The following NEURL1B variants were observed in gnomAD, a reference collection of about 807,000 sequenced individuals.
NEURL1B encodes the protein E3 ubiquitin-protein ligase NEURL1B.
NEURL1B carries 13 observed loss-of-function variants against 37.4 expected under a neutral mutation model. The ratio of observed to expected loss-of-function variants is 0.35; its 90% CI spans 0.23 to 0.55. The LOEUF (loss-of-function observed/expected upper bound fraction) is 0.55, where lower values mean the gene tolerates loss of function less well. Among genes scored for constraint, NEURL1B ranks in the 20% least tolerant of loss-of-function variants. NEURL1B has a pLI of 0.89. For missense variants in NEURL1B, 790 were observed against 879.2 expected (o/e 0.90, Z 1.28); for synonymous variants, 432 against 426.6 (o/e 1.01, Z -0.16).
intron 1 of NEURL1B, chr5:172,656,815 A>G (rs1484342368): frequency 1.6e-6 from 1 of 644,862 alleles, no homozygotes; most frequent in African/African-American, 1.8e-5. Flanking sequence ...TAAAACTCCT[A>G]ACAACCGCCA....
chr5:172,643,294 T>C (rs1272461825), intron 1 of NEURL1B, among the ~76,000 whole-genome samples: 7 of 152,214 alleles, frequency 4.6e-5, no homozygotes, highest in African/African-American at 1.7e-4. Context: ...GCCAAGAATA[T>C]GAAGGGCCGT....
chr5:172,667,731 CTG>C (rs917300002), intron 1 of NEURL1B, among the ~76,000 whole-genome samples: 4 of 152,144 alleles, frequency 2.6e-5, no homozygotes, highest in African/African-American at 9.7e-5. Context: ...CAGCAGTCCA[CTG>C]TGCACACAGT....
chr5:172,668,311 T>A (rs1303930682), intron 1 of NEURL1B, among the ~76,000 whole-genome samples: 1 of 152,220 alleles, frequency 6.6e-6, no homozygotes, highest in Non-Finnish European at 1.5e-5. Context: ...AAACCCCTTA[T>A]GTTCCTTTCT....
chr5:172,687,826 T>G lies in NEURL1B; in HGVS notation c.*901T>G, dbSNP rs1185577625. 1 of 152,212 alleles carries G rather than the reference T, an allele frequency of 6.6e-6. No homozygotes were observed. The highest frequency in any genetic ancestry group is 6.5e-5 in the Admixed American group (1 of 15,282). The allele number at this position is 152,212 out of a possible 1,614,324, so 9.4% of individuals were successfully genotyped here. ...GAATCCTAGAGGCAGGTGACCCACC[T>G]GGAGCTGGAAAGCCCACTCCACGAT... On this transcript the variant is annotated 3_prime_UTR_variant, in exon 5 of 5. Coordinates refer to ENST00000369800, the MANE Select transcript of NEURL1B (RefSeq NM_001142651.3).
rs529147757 is a variant in NEURL1B, at chr5:172,675,008, G to A, written c.577+4678G>A. 9.2e-5 allele frequency among the ~76,000 whole-genome samples: 14 copies of A among 152,108 alleles called. No homozygotes were observed. The South Asian group carries it at 2.9e-3, about 32-fold the overall frequency. ...CCTCAGCCTCCCAAGTAGCTGGGAT[G>A]ACAGGCGCCTGCCACCACGCCCGGC... On this transcript the variant is annotated intron_variant, in intron 2 of 4. Coordinates refer to ENST00000369800, the MANE Select transcript of NEURL1B (RefSeq NM_001142651.3). The surrounding 1 kb of genome is among the most constrained non-coding windows in gnomAD (Gnocchi z 4.7).
intron 1 of NEURL1B, among the ~76,000 whole-genome samples, chr5:172,645,674 T>C (rs1757546176): frequency 6.6e-6 from 1 of 152,194 alleles, no homozygotes; most frequent in South Asian, 2.1e-4. Context: ...TCTTGTCCCA[T>C]CTTCCTCCCT....
In NEURL1B at chr5:172,645,437, T is replaced by G. The variant is rs144143279; in HGVS notation, c.31+4000T>G. ...GGGACACATCTGCTGCTCCCTGACTTCCCATCTGAGCCATGGGTGGTGTTG... is the reference window on the plus strand; with the variant it reads ...GGGACACATCTGCTGCTCCCTGACTGCCCATCTGAGCCATGGGTGGTGTTG... On this transcript the variant is annotated intron_variant, in intron 1 of 4. Transcript: ENST00000369800. Among the ~76,000 whole-genome samples the G allele has an allele frequency of 7.9e-5, 12 of 152,280 alleles. No individual in the cohort carries two copies. The East Asian group carries it at 2.1e-3, about 27-fold the overall frequency.
In NEURL1B at chr5:172,641,444, C is replaced by A; in HGVS notation, c.31+7C>A. The A allele has an allele frequency of 7.6e-7, 1 of 1,322,004 alleles. No individual in the cohort carries two copies. The highest frequency in any genetic ancestry group is 1.9e-5 in the South Asian group (1 of 51,314). The allele number at this position is 1,322,004 out of a possible 1,614,324, so 81.9% of individuals were successfully genotyped here. On this transcript the variant is annotated splice_region_variant and intron_variant, in intron 1 of 4. Transcript: ENST00000369800. The surrounding 1 kb of genome is among the most constrained non-coding windows in gnomAD (Gnocchi z 6.4). ...GTGCACCGGACCCTGCCAGGTACGC[C>A]GGGGAGCCCTGCCCGGGAGGCGGGC...
intron 1 of NEURL1B, among the ~76,000 whole-genome samples, chr5:172,646,412 C>G (rs1224058905): frequency 1.3e-5 from 2 of 152,208 alleles, no homozygotes; most frequent in East Asian, 3.8e-4. Flanking sequence ...ACGGGGCTGG[C>G]TGACAGGTGC....
Position 172,686,555 on chromosome 5 carries a change from A to G in NEURL1B, c.1424-126A>G, listed in dbSNP as rs1758500659. 8 of 1,161,244 alleles carry G rather than the reference A, an allele frequency of 6.9e-6. No individual in the cohort carries two copies. Among genetic ancestry groups the G allele is most frequent in the South Asian group, 4.7e-5 (3 of 64,498 alleles). 71.9% of individuals were successfully genotyped at this position (1,161,244 alleles called of 1,614,324 possible). ...TGCAAAACCTGCAAGGTAAACTCAA[A>G]TTAGTATCTCCCAAAAGTATTCTCC... On this transcript the variant is annotated intron_variant, in intron 4 of 4. Transcript: ENST00000369800. This position sits in a 1 kb window ranked among gnomAD's most constrained non-coding sequence, Gnocchi z 7.9.
chr5:172,686,489 C>T lies in NEURL1B; in HGVS notation c.1424-192C>T, dbSNP rs1369643839. Among the ~76,000 whole-genome samples, 2 of 152,260 alleles carry T rather than the reference C, an allele frequency of 1.3e-5. No homozygotes were observed. Among genetic ancestry groups the T allele is most frequent in the East Asian group, 3.9e-4 (2 of 5,178 alleles). ...GCATTCCAAAGGGTGACGATGGTGG[C>T]ATTTTATCTTGGTGTTTGGGAGTAG... On this transcript the variant is annotated intron_variant, in intron 4 of 4. Transcript: ENST00000369800. This position sits in a 1 kb window ranked among gnomAD's most constrained non-coding sequence, Gnocchi z 7.9.
intron 1 of NEURL1B, among the ~76,000 whole-genome samples, chr5:172,656,343 A>C (rs1233471679): frequency 3.3e-5 from 5 of 151,996 alleles, no homozygotes; most frequent in Non-Finnish European, 7.3e-5. Context: ...TAGGAAGTTA[A>C]GTTTATTTTT....
chr5:172,666,803 T>C (rs973926738), intron 1 of NEURL1B, among the ~76,000 whole-genome samples: 3 of 152,056 alleles, frequency 2.0e-5, no homozygotes, highest in African/African-American at 7.2e-5. Flanking sequence ...ATGACCTCCA[T>C]ATTCTGCCTC....
intron 2 of NEURL1B, among the ~76,000 whole-genome samples, chr5:172,678,257 A>G (rs186285903): frequency 2.6e-5 from 4 of 152,320 alleles, no homozygotes; most frequent in East Asian, 3.9e-4. Flanking sequence ...CAACTGTAGC[A>G]TTCAACAGAT....
At position 172,661,160 on chromosome 5, in the gene NEURL1B, C is replaced by CA. The variant is rs1156260943; in HGVS notation, c.32-8622dup. Among the ~76,000 whole-genome samples, 1 of 152,210 alleles carries CA rather than the reference C, an allele frequency of 6.6e-6. No homozygotes were observed. Among genetic ancestry groups the CA allele is most frequent in the Non-Finnish European group, 1.5e-5 (1 of 68,038 alleles). On this transcript the variant is annotated intron_variant, in intron 1 of 4. Coordinates refer to ENST00000369800, the MANE Select transcript of NEURL1B (RefSeq NM_001142651.3). This position sits in a 1 kb window ranked among gnomAD's most constrained non-coding sequence, Gnocchi z 4.0. ...TGCTGGTTTACATTTTGGACTGGGG[C>CA]AAATGTCATTTGAACCAGAGATTTC...
At position 172,665,455 on chromosome 5, in the gene NEURL1B, G is replaced by A. The variant is rs550037107; in HGVS notation, c.32-4330G>A. Among the ~76,000 whole-genome samples the A allele has an allele frequency of 1.3e-5, 2 of 152,310 alleles. No individual in the cohort carries two copies. The highest frequency in any genetic ancestry group is 1.3e-4 in the Admixed American group (2 of 15,302). On this transcript the variant is annotated intron_variant, in intron 1 of 4. Transcript: ENST00000369800. This position sits in a 1 kb window ranked among gnomAD's most constrained non-coding sequence, Gnocchi z 4.1. ...TGACTCTGCGTCCACCCTCCTTGCT[G>A]CCCTGGAGGCCCCTCCCTGACAGGC...
intron 2 of NEURL1B, among the ~76,000 whole-genome samples, chr5:172,680,421 G>A (rs930829010): frequency 6.6e-6 from 1 of 152,086 alleles, no homozygotes; most frequent in Non-Finnish European, 1.5e-5. Context: ...AGAGTTGGCG[G>A]GGGGGAAGGA....
chr5:172,685,363 C>T (rs1758472641), intron 3 of NEURL1B, among the ~76,000 whole-genome samples: 1 of 152,130 alleles, frequency 6.6e-6, no homozygotes, highest in African/African-American at 2.4e-5. Flanking sequence ...TTTTGAGGAA[C>T]CATCAGACAT....
rs559478732 is a variant in NEURL1B, at chr5:172,674,124, A to G, written c.577+3794A>G. 2.2e-3 allele frequency among the ~76,000 whole-genome samples: 334 copies of G among 150,394 alleles called. 2 individuals carry two copies. Among genetic ancestry groups the G allele is most frequent in the African/African-American group, 7.8e-3 (312 of 40,022 alleles). ...CATTGCACTCCAGCCTGGGTGCCAG[A>G]GCAAAACTCCATCTCAAAAAAAAAA... On this transcript the variant is annotated intron_variant, in intron 2 of 4. Transcript: ENST00000369800.
Sources: allele counts gnomAD v4.1 joint callset (sites outside exome capture counted in the v4.1 genomes callset), GRCh38; gene constraint gnomAD v4.1.1; non-coding constraint Gnocchi (gnomAD v3.1); transcripts MANE v1.5; gene names NCBI Gene and HGNC (gene_info 2026-07-23, HGNC 2026-07-21).